Variants in GRIN2A observed in about 807,000 individuals in gnomAD.
GRIN2A encodes the protein glutamate ionotropic receptor NMDA type subunit 2A, also known as glutamate receptor ionotropic, NMDA 2A.
Under a neutral mutation model 113.4 loss-of-function variants are expected in GRIN2A, and 22 were observed. The observed-to-expected ratio is 0.19, with a 90% CI of 0.14 to 0.28. The LOEUF (loss-of-function observed/expected upper bound fraction) is 0.28, where lower values mean the gene tolerates loss of function less well. Ranked by LOEUF, GRIN2A falls within the 10% of genes least tolerant of loss-of-function variation. The probability of loss-of-function intolerance (pLI) is 1.00; values close to 1 mark genes in which losing one functional copy is unlikely to be tolerated. For synonymous variants in GRIN2A, 827 were observed against 738.4 expected (o/e 1.12, Z -1.94); for missense variants, 1,502 against 1,887.0 (o/e 0.80, Z 3.78).
chr16:9,920,569 T>G (rs188888099), intron 3 of GRIN2A, among the ~76,000 whole-genome samples: 8 of 151,678 alleles, frequency 5.3e-5, no homozygotes, highest in Admixed American at 4.6e-4. Context: ...GAATTGAATT[T>G]TTTTTTTTTT....
intron 4 of GRIN2A, among the ~76,000 whole-genome samples, chr16:9,878,762 G>A (rs544514264): frequency 3.3e-5 from 5 of 151,962 alleles, no homozygotes; most frequent in Non-Finnish European, 5.9e-5. Context: ...GCAGGAGAGC[G>A]CCTGTTCAAC....
rs771962690 is a variant in GRIN2A at position 9,938,444 on chromosome 16, G to T, written c.522C>A (p.Thr174=). ...DYDWHVFSLV[T]TIFPGYREFI... is the part of the protein sequence containing the mutation. ...ATTCCCTGTAGCCAGGGAAGATAGTGGTCACCAGGGAGAAGACATGCCAGT... is the reference window on the plus strand; with the variant it reads ...ATTCCCTGTAGCCAGGGAAGATAGTTGTCACCAGGGAGAAGACATGCCAGT... The change falls in exon 3 of 13, where the codon ACC becomes ACA. Residue 174 remains threonine, a synonymous_variant. Transcript: ENST00000330684. The T allele has an allele frequency of 9.3e-6, 15 of 1,613,692 alleles. No individual in the cohort carries two copies. The Admixed American group carries it at 2.0e-4, about 22-fold the overall frequency.
intron 10 of GRIN2A, among the ~76,000 whole-genome samples, chr16:9,808,982 T>C (rs1018887417): frequency 2.6e-5 from 4 of 152,104 alleles, no homozygotes; most frequent in East Asian, 1.9e-4. Context: ...TGGAGTTCTT[T>C]CCAGCAGTCA....
rs1409637186 is a variant in GRIN2A at position 10,111,718 on chromosome 16, G to A, written c.414+68280C>T. On this transcript the variant is annotated intron_variant, in intron 2 of 12. Coordinates refer to ENST00000330684, the MANE Select transcript of GRIN2A (RefSeq NM_001134407.3). ...GCATAAGGTCAAGAAGTTTGAACAGGGCTTCATCACGGACCCCGTGGTGCT... is the reference window on the plus strand; with the variant it reads ...GCATAAGGTCAAGAAGTTTGAACAGAGCTTCATCACGGACCCCGTGGTGCT... 5 of 1,545,878 alleles carry A rather than the reference G, an allele frequency of 3.2e-6. No homozygotes were observed. The African/African-American group carries it at 6.8e-5, about 21-fold the overall frequency.
intron 11 of GRIN2A, among the ~76,000 whole-genome samples, chr16:9,772,147 T>C (rs1195551518): frequency 1.3e-5 from 2 of 152,110 alleles, no homozygotes; most frequent in East Asian, 3.9e-4. Context: ...TTGATTCAAT[T>C]CCTTTTCTTC....
intron 11 of GRIN2A, among the ~76,000 whole-genome samples, chr16:9,771,637 T>G (rs1026384362): frequency 6.6e-6 from 1 of 151,548 alleles, no homozygotes; most frequent in Non-Finnish European, 1.5e-5. Flanking sequence ...TACTTCCTTG[T>G]GACGTCTGTA....
chr16:9,888,510 A>G (rs960850673), intron 4 of GRIN2A, among the ~76,000 whole-genome samples: 41 of 152,006 alleles, frequency 2.7e-4, no homozygotes, highest in Non-Finnish European at 5.0e-4. Flanking sequence ...TGTTTATCCA[A>G]TACCATTTAT....
At chr16:10,052,346 G>T (rs988230186) in intron 2 of GRIN2A, among the ~76,000 whole-genome samples, 1 of 152,186 alleles carries the variant, frequency 6.6e-6, no homozygotes, top group Admixed American at 6.5e-5. Flanking sequence ...ACTGAGCCCC[G>T]TGGGCCAGTT....
chr16:10,017,348 G>C lies in GRIN2A; in HGVS notation c.415-78797C>G, dbSNP rs188733990. 1.1e-3 allele frequency among the ~76,000 whole-genome samples: 166 copies of C among 152,202 alleles called. 1 individual carries two copies. Among genetic ancestry groups the C allele is most frequent in the African/African-American group, 3.6e-3 (150 of 41,514 alleles). On this transcript the variant is annotated intron_variant, in intron 2 of 12. Coordinates refer to ENST00000330684, the MANE Select transcript of GRIN2A (RefSeq NM_001134407.3). ...ATGATAGGGCACTTGATGAGTCTTG[G>C]TGGGGCGGCAGTCAGAGAAGACTAC...
intron 4 of GRIN2A, among the ~76,000 whole-genome samples, chr16:9,873,908 C>T (rs1020295779): frequency 2.6e-5 from 4 of 152,208 alleles, no homozygotes; most frequent in Non-Finnish European, 4.4e-5. Context: ...CGGTAGGAAT[C>T]AACAGGAATT....
chr16:10,108,494 C>T (rs890177878), intron 2 of GRIN2A, among the ~76,000 whole-genome samples: 1 of 152,218 alleles, frequency 6.6e-6, no homozygotes, highest in Non-Finnish European at 1.5e-5. Context: ...TCAAGAATCA[C>T]ACAGCTGACA....
intron 2 of GRIN2A, among the ~76,000 whole-genome samples, chr16:10,130,054 A>G (rs2049029987): frequency 6.6e-6 from 1 of 152,222 alleles, no homozygotes; most frequent in Non-Finnish European, 1.5e-5. Context: ...GAACAGCTAG[A>G]TGGAAAATGA....
chr16:9,816,251 A>G (rs980181414), intron 10 of GRIN2A, among the ~76,000 whole-genome samples: 2 of 152,236 alleles, frequency 1.3e-5, no homozygotes, highest in African/African-American at 4.8e-5. Context: ...AAATGTGAAG[A>G]TGGCAAATTT....
chr16:9,908,992 A>T (rs2044081556), intron 3 of GRIN2A, among the ~76,000 whole-genome samples: 2 of 152,270 alleles, frequency 1.3e-5, no homozygotes, highest in South Asian at 2.1e-4. Context: ...GATCTAGGAG[A>T]CAGGGAGTGT....
At chr16:10,102,406 T>C (rs1347935034) in intron 2 of GRIN2A, among the ~76,000 whole-genome samples, 1 of 152,200 alleles carries the variant, frequency 6.6e-6, no homozygotes, top group East Asian at 1.9e-4. Flanking sequence ...ATTGGAAGCC[T>C]CCTGAGGCCT....
intron 3 of GRIN2A, among the ~76,000 whole-genome samples, chr16:9,892,949 AAGAAG>A (rs1224849278): frequency 1.1e-4 from 15 of 137,846 alleles, no homozygotes; most frequent in African/African-American, 4.7e-4. Flanking sequence ...AAAAAAAAAA[AAGAAG>A]AAGAAGAAGA....
rs184663733 is a variant in GRIN2A, at chr16:9,834,578, C to T, written c.1652-348G>A. Among the ~76,000 whole-genome samples, 1,189 of 152,178 alleles carry T rather than the reference C, an allele frequency of 7.8e-3. 16 individuals are homozygous for T. Among genetic ancestry groups the T allele is most frequent in the African/African-American group, 0.028 (1,147 of 41,508 alleles). On this transcript the variant is annotated intron_variant, in intron 7 of 12. Coordinates refer to ENST00000330684, the MANE Select transcript of GRIN2A (RefSeq NM_001134407.3). ...TGTATTTTTAGTTGAGACGGGGTTT[C>T]GCCATGTTGCCCAGGCTGGTCTCAA...
At chr16:10,073,830 C>T (rs975107580) in intron 2 of GRIN2A, among the ~76,000 whole-genome samples, 2 of 150,040 alleles carry the variant, frequency 1.3e-5, no homozygotes, top group East Asian at 4.0e-4. Flanking sequence ...GCAGGAGAAT[C>T]ACTTGAGCCT....
chr16:10,146,306 C>T (rs1433949431), intron 2 of GRIN2A, among the ~76,000 whole-genome samples: 1 of 152,106 alleles, frequency 6.6e-6, no homozygotes, highest in Non-Finnish European at 1.5e-5. Flanking sequence ...TTAGCAGACA[C>T]AGGGTTTTAC....
Sources: gnomAD v4.1 joint callset for allele counts (sites outside exome capture counted in the v4.1 genomes callset) on GRCh38, gnomAD v4.1.1 for gene constraint, MANE v1.5 for transcripts, NCBI Gene and HGNC (gene_info 2026-07-23, HGNC 2026-07-21) for gene names.